IFNGR2: variants seen among roughly 807,000 people sequenced by gnomAD.
IFNGR2 encodes the protein interferon gamma receptor 2.
In IFNGR2, 15 loss-of-function variants were observed where a neutral mutation model predicts 41.1. The observed-to-expected ratio is 0.37, with a 90% confidence interval of 0.24 to 0.56. IFNGR2 has a LOEUF of 0.56. IFNGR2 is among the 20% of genes least tolerant of loss of function. The probability of loss-of-function intolerance (pLI) is 0.81; values close to 1 mark genes in which losing one functional copy is unlikely to be tolerated. For synonymous variants in IFNGR2, 161 were observed against 171.6 expected (o/e 0.94, Z 0.48); for missense variants, 362 against 415.7 (o/e 0.87, Z 1.12).
intron 3 of IFNGR2, among the ~76,000 whole-genome samples, chr21:33,424,025 G>A (rs1404631467): frequency 2.0e-5 from 3 of 152,108 alleles, no homozygotes; most frequent in Admixed American, 2.0e-4. Flanking sequence ...TGATGGCTGG[G>A]CGCAGTGGCT....
intron 1 of IFNGR2, among the ~76,000 whole-genome samples, chr21:33,405,073 G>A (rs1344780510): frequency 1.4e-5 from 2 of 139,660 alleles, no homozygotes; most frequent in African/African-American, 5.5e-5. Flanking sequence ...CTGCACTCCC[G>A]CCTGGGCGAC....
chr21:33,435,169 G>T (rs935601939), intron 6 of IFNGR2, among the ~76,000 whole-genome samples: 1 of 152,192 alleles, frequency 6.6e-6, no homozygotes, highest in African/African-American at 2.4e-5. Flanking sequence ...CCTAAAGCCT[G>T]CGGGAGCAAA....
At chr21:33,421,821 A>G in intron 3 of IFNGR2, 136 bp downstream of exon 3, 1 of 775,996 alleles carries the variant, frequency 1.3e-6, no homozygotes, top group East Asian at 2.6e-5. Flanking sequence ...TCAAACCCAC[A>G]CTCTGACCTT....
chr21:33,411,478 G>T (rs1054137063), intron 1 of IFNGR2: 2 of 470,830 alleles, frequency 4.2e-6, no homozygotes, highest in Admixed American at 2.3e-5. Context: ...TGTGGAGGGC[G>T]GAATAATGGT....
rs1601080320 is a variant in IFNGR2, at chr21:33,421,618, T to C, written c.345T>C (p.Leu115=). Residue 115 remains leucine, a synonymous_variant, in exon 3 of 7, where the codon CTT becomes CTC. Coordinates refer to ENST00000290219, the MANE Select transcript of IFNGR2 (RefSeq NM_005534.4). ...TGGATTTCAATGTCACTCTACGCCT[T>C]CGAGCTGAGCTGGGAGCACTCCATT... is the stretch of plus-strand genomic sequence containing the variant. The part of the protein sequence containing the change: ...FPMDFNVTLR[L]RAELGALHSA... The C allele has an allele frequency of 5.6e-6, 9 of 1,614,210 alleles. No homozygotes were observed. The highest frequency in any genetic ancestry group is 1.6e-4 in the Middle Eastern group (1 of 6,062).
intron 3 of IFNGR2, among the ~76,000 whole-genome samples, chr21:33,425,885 C>T (rs745959053): frequency 4.6e-5 from 7 of 152,236 alleles, no homozygotes; most frequent in Non-Finnish European, 8.8e-5. Flanking sequence ...CACACAGTGA[C>T]AGGATTGTCT....
At chr21:33,404,905 AT>A (rs2083666399) in intron 1 of IFNGR2, among the ~76,000 whole-genome samples, 2 of 152,146 alleles carry the variant, frequency 1.3e-5, no homozygotes, top group South Asian at 4.1e-4. Flanking sequence ...AGGCAGCATC[AT>A]GAGGTCAGGA....
chr21:33,432,030 TCCACTGCCAGCCAGTGAC>T (rs1477248469), intron 4 of IFNGR2, 129 bp from the exon 5 acceptor site: 1 of 732,946 alleles, frequency 1.4e-6, no homozygotes, highest in African/African-American at 1.7e-5. Flanking sequence ...ATAAAATGTG[TCCACTGCCAGCCAGTGAC>T]CCACTAAAAA....
At chr21:33,420,820 G>A (rs2083786236) in intron 2 of IFNGR2, among the ~76,000 whole-genome samples, 1 of 152,142 alleles carries the variant, frequency 6.6e-6, no homozygotes, top group South Asian at 2.1e-4. Context: ...GCCAAGGCAG[G>A]AGGATTACTT....
chr21:33,432,358 C>G, intron 5 of IFNGR2, 22 bp downstream of exon 5: 1 of 1,604,882 alleles, frequency 6.2e-7, no homozygotes, highest in East Asian at 2.2e-5. Flanking sequence ...CTTCTTATGT[C>G]CTTTCTGAAC....
intron 1 of IFNGR2, among the ~76,000 whole-genome samples, chr21:33,408,475 C>T (rs2083693657): frequency 1.3e-5 from 2 of 152,008 alleles, no homozygotes; most frequent in Admixed American, 1.3e-4. Flanking sequence ...GGATTACAGG[C>T]ATGAGCCACC....
In IFNGR2 at chr21:33,432,244, T is replaced by G; in HGVS notation, c.629T>G (p.Leu210Ter). Reference sequence around the variant, plus strand: ...TTAAAACCCTCCAGAGTGTACTGTTTACAAGTCCAGGCACAACTGCTTTGG... The same window carrying G: ...TTAAAACCCTCCAGAGTGTACTGTTGACAAGTCCAGGCACAACTGCTTTGG... ...DNLKPSRVYC[L>*]QVQAQLLWNK... The change falls in exon 5 of 7, where the codon TTA becomes TGA. Residue 210 changes from leucine (L) to a stop codon, truncating the protein, a stop_gained. Coordinates refer to ENST00000290219, the MANE Select transcript of IFNGR2 (RefSeq NM_005534.4). LOFTEE classifies it high-confidence loss of function. 6.2e-7 allele frequency: 1 copy of G among 1,614,038 alleles called. No homozygotes were observed. The highest frequency in any genetic ancestry group is 8.5e-7 in the Non-Finnish European group (1 of 1,179,854).
chr21:33,407,181 C>T, intron 1 of IFNGR2, among the ~76,000 whole-genome samples: 1 of 151,912 alleles, frequency 6.6e-6, no homozygotes. Context: ...GTAGCAGGTG[C>T]TGCTGACTTT....
intron 4 of IFNGR2, 140 bp downstream of exon 4, chr21:33,427,172 G>A (rs1425055248): frequency 6.4e-6 from 5 of 786,516 alleles, no homozygotes; most frequent in Admixed American, 6.2e-5. Context: ...CCCTGAGCCT[G>A]TTTTCATTGT....
chr21:33,435,424 G>A (rs944458377), intron 6 of IFNGR2, among the ~76,000 whole-genome samples: 3 of 152,154 alleles, frequency 2.0e-5, no homozygotes, highest in Admixed American at 6.5e-5. Context: ...TACACTGAGG[G>A]TTGCAAGGAA....
At chr21:33,410,978 G>A (rs889994589) in intron 1 of IFNGR2, 1 of 994,116 alleles carries the variant, frequency 1.0e-6, no homozygotes, top group Admixed American at 2.0e-5. Context: ...CAGCCCTGGT[G>A]TTTCCCATCG....
At position 33,426,687 on chromosome 21, in the gene IFNGR2, T is replaced by C. The variant is rs121913202; in HGVS notation, c.413-197T>C. The stretch of plus-strand genomic sequence containing the variant: ...GTGAGCCGAGATCGCACAACTGCAC[T>C]CTAGCCTGGGCGACAGAGCAAAACT... On this transcript the variant is annotated intron_variant, in intron 3 of 6. Coordinates refer to ENST00000290219, the MANE Select transcript of IFNGR2 (RefSeq NM_005534.4). 7.2e-5 allele frequency among the ~76,000 whole-genome samples: 11 copies of C among 151,972 alleles called. No homozygotes were observed. In the East Asian group the frequency reaches 1.4e-3, roughly 19 times the overall value.
chr21:33,407,815 C>T (rs1053297476), intron 1 of IFNGR2, among the ~76,000 whole-genome samples: 4 of 151,114 alleles, frequency 2.6e-5, no homozygotes, highest in Non-Finnish European at 2.9e-5. Flanking sequence ...AGGCTGGTCT[C>T]GAACTCCTGA....
At chr21:33,407,705 C>T (rs1443833427) in intron 1 of IFNGR2, among the ~76,000 whole-genome samples, 2 of 152,178 alleles carry the variant, frequency 1.3e-5, no homozygotes, top group African/African-American at 4.8e-5. Context: ...AAGCGATTCT[C>T]CTGTCTCAGC....
Sources: gnomAD v4.1 joint callset for allele counts (sites outside exome capture counted in the v4.1 genomes callset) on GRCh38, gnomAD v4.1.1 for gene constraint, MANE v1.5 for transcripts, NCBI Gene and HGNC (gene_info 2026-07-23, HGNC 2026-07-21) for gene names.